The following RPA3 variants were observed in gnomAD, a reference collection of about 807,000 sequenced individuals.
RPA3 encodes the protein replication protein A3.
Under a neutral mutation model 13.7 loss-of-function variants are expected in RPA3, and 24 were observed. The observed-to-expected ratio is 1.75, with a 90% CI of 1.27 to 2.46. RPA3 has a LOEUF of 2.46. Ranked by LOEUF, RPA3 falls within the 30% of genes most tolerant of loss-of-function variation. The probability of loss-of-function intolerance (pLI) is 0.00; values close to 1 mark genes in which losing one functional copy is unlikely to be tolerated. For synonymous variants in RPA3, 59 were observed against 51.2 expected, an observed-to-expected ratio of 1.15 and a Z score of -0.65; for missense variants, 183 against 151.0, an observed-to-expected ratio of 1.21 and a Z score of -1.11.
chr7:7,708,712 A>C (rs971223989), intron 2 of RPA3, among the ~76,000 whole-genome samples: 1 of 152,196 alleles, frequency 6.6e-6, no homozygotes, highest in African/African-American at 2.4e-5. Context: ...ATTAGTAAAT[A>C]AGCTGATTTG....
At chr7:7,716,633 G>A (rs1780910852) in intron 1 of RPA3, among the ~76,000 whole-genome samples, 1 of 152,242 alleles carries the variant, frequency 6.6e-6, no homozygotes, top group African/African-American at 2.4e-5. Flanking sequence ...AAACCCATCT[G>A]CCTAGTAAAA....
In RPA3 at chr7:7,703,526, A is replaced by G. The variant is rs77859148; in HGVS notation, c.-1028+11649T>C. On this transcript the variant is annotated intron_variant, in intron 2 of 7. Coordinates refer to ENST00000223129, the MANE Select transcript of RPA3 (RefSeq NM_002947.5). ...TTTTATAAACATCTTTTTGTAACCT[A>G]TATTGAATCCCAGAGGTCCTGACTC... Among the ~76,000 whole-genome samples, 7 of 152,318 alleles carry G rather than the reference A, an allele frequency of 4.6e-5. No individual in the cohort carries two copies. In the East Asian group the frequency reaches 1.3e-3, roughly 29 times the overall value.
At chr7:7,640,267 G>A (rs1181394591) in intron 5 of RPA3, 53 bp downstream of exon 5, 16 of 1,563,404 alleles carry the variant, frequency 1.0e-5, no homozygotes, top group Non-Finnish European at 1.4e-5. Flanking sequence ...ATCCAGGCGG[G>A]GTCCCTCCCT....
intron 1 of RPA3, 41 bp from the exon 2 acceptor site, chr7:7,715,267 G>C (rs548897639): frequency 6.6e-6 from 1 of 152,228 alleles, no homozygotes; most frequent in African/African-American, 2.4e-5. Context: ...GAACTGAAAA[G>C]TTTTCACCAG....
chr7:7,650,206 G>A (rs1785192844), intron 4 of RPA3, among the ~76,000 whole-genome samples: 2 of 152,088 alleles, frequency 1.3e-5, no homozygotes, highest in Non-Finnish European at 2.9e-5. Flanking sequence ...CACAATTTAC[G>A]TTCTTGTAAC....
intron 5 of RPA3, 150 bp downstream of exon 5, chr7:7,640,169 TA>T: frequency 1.3e-6 from 1 of 796,226 alleles, no homozygotes; most frequent in Non-Finnish European, 2.1e-6. Context: ...CTACAACGGC[TA>T]AAGAATTTCC....
intron 3 of RPA3, among the ~76,000 whole-genome samples, chr7:7,686,563 T>A (rs1323980710): frequency 6.6e-6 from 1 of 152,224 alleles, no homozygotes; most frequent in African/African-American, 2.4e-5. Context: ...CATGCACGTA[T>A]ACTCATACGA....
rs142140611 is a variant in RPA3, at chr7:7,660,979, T to G, written c.-757-19804A>C. On this transcript the variant is annotated intron_variant, in intron 4 of 7. Coordinates refer to ENST00000223129, the MANE Select transcript of RPA3 (RefSeq NM_002947.5). ...TGGTCTTTTCACATAGTCCCATATTTCTTGGAGGCTTTGTTCATTCCTTTT... is the reference window on the plus strand; with the variant it reads ...TGGTCTTTTCACATAGTCCCATATTGCTTGGAGGCTTTGTTCATTCCTTTT... Among the ~76,000 whole-genome samples the G allele has an allele frequency of 2.1e-3, 313 of 148,820 alleles. 1 individual carries two copies. The highest frequency in any genetic ancestry group is 7.4e-3 in the African/African-American group (295 of 39,998).
chr7:7,658,440 T>C (rs1563092310), intron 4 of RPA3, among the ~76,000 whole-genome samples: 2 of 152,238 alleles, frequency 1.3e-5, no homozygotes, highest in Non-Finnish European at 2.9e-5. Flanking sequence ...TGATATTGGC[T>C]GTGGGTTTGT....
At chr7:7,717,140 T>G (rs1360233967) in intron 1 of RPA3, among the ~76,000 whole-genome samples, 6 of 150,284 alleles carry the variant, frequency 4.0e-5, no homozygotes, top group Non-Finnish European at 8.9e-5. Flanking sequence ...CACTGCAACC[T>G]CCGTCTCCCG....
intron 2 of RPA3, among the ~76,000 whole-genome samples, chr7:7,712,885 T>A (rs182001435): frequency 6.6e-6 from 1 of 152,298 alleles, no homozygotes; most frequent in African/African-American, 2.4e-5. Flanking sequence ...TTAGAATTGG[T>A]ATAAGATTTG....
chr7:7,691,165 T>C (rs11761559), intron 2 of RPA3, among the ~76,000 whole-genome samples: 12,720 of 152,272 alleles, frequency 0.084, 582 homozygotes, highest in African/African-American at 0.13. Context: ...GATGGAATTT[T>C]AGGTTTTTCA....
chr7:7,667,517 G>A (rs1779495980), intron 4 of RPA3, among the ~76,000 whole-genome samples: 1 of 151,954 alleles, frequency 6.6e-6, no homozygotes, highest in Non-Finnish European at 1.5e-5. Context: ...AGAGGTTGCA[G>A]TTTTTTTTCC....
chr7:7,711,544 G>A (rs1300184873), intron 2 of RPA3, among the ~76,000 whole-genome samples: 1 of 152,190 alleles, frequency 6.6e-6, no homozygotes, highest in South Asian at 2.1e-4. Context: ...ATTTTTATCA[G>A]TCTGTTGGTT....
At chr7:7,678,801 AATATATTTATATATTTAGTTTATAAAC>A (rs1779832996) in intron 4 of RPA3, among the ~76,000 whole-genome samples, 1 of 28,122 alleles carries the variant, frequency 3.6e-5, no homozygotes, top group African/African-American at 1.8e-4. Flanking sequence ...TTAGTTTATA[AATATATTTATATATTTAGTTTATAAAC>A]ATATATTTAT....
Position 7,706,555 on chromosome 7 carries a change from T to C in RPA3, c.-1028+8620A>G, listed in dbSNP as rs539187115. The stretch of plus-strand genomic sequence containing the variant: ...AAATGTTAGATATCATTTTTTAAAA[T>C]TGGAAAAAATGAGGAATACAAAACT... On this transcript the variant is annotated intron_variant, in intron 2 of 7. Coordinates refer to ENST00000223129, the MANE Select transcript of RPA3 (RefSeq NM_002947.5). 4.6e-5 allele frequency among the ~76,000 whole-genome samples: 7 copies of C among 152,068 alleles called. 1 individual carries two copies. The South Asian group carries it at 6.2e-4, about 14-fold the overall frequency.
intron 4 of RPA3, among the ~76,000 whole-genome samples, chr7:7,680,737 A>G (rs1779888397): frequency 6.6e-6 from 1 of 151,686 alleles, no homozygotes; most frequent in Non-Finnish European, 1.5e-5. Context: ...GTATTTTATA[A>G]TTTTTATTTT....
chr7:7,643,233 T>C lies in RPA3; in HGVS notation c.-757-2058A>G, dbSNP rs76946531. On this transcript the variant is annotated intron_variant, in intron 4 of 7. Transcript: ENST00000223129. Reference sequence around the variant, plus strand: ...GGAGAAACAGCTTCCTGGGCATGCATATTAAGAGACAAAAATGGTAAAGTA... The same window carrying C: ...GGAGAAACAGCTTCCTGGGCATGCACATTAAGAGACAAAAATGGTAAAGTA... Among the ~76,000 whole-genome samples, 295 of 152,274 alleles carry C rather than the reference T, an allele frequency of 1.9e-3. 2 individuals carry two copies. The highest frequency in any genetic ancestry group is 6.8e-3 in the African/African-American group (284 of 41,556).
chr7:7,667,358 G>A (rs931105877), intron 4 of RPA3, among the ~76,000 whole-genome samples: 8 of 152,206 alleles, frequency 5.3e-5, no homozygotes, highest in Non-Finnish European at 8.8e-5. Context: ...AACTCCAGGC[G>A]GAAGTCCAGC....
Sources: gnomAD v4.1 joint callset for allele counts (sites outside exome capture counted in the v4.1 genomes callset) on GRCh38, gnomAD v4.1.1 for gene constraint, MANE v1.5 for transcripts, NCBI Gene and HGNC (gene_info 2026-07-23, HGNC 2026-07-21) for gene names.